JAKMIP2: variants seen among roughly 807,000 people sequenced by gnomAD.
JAKMIP2 encodes the protein janus kinase and microtubule interacting protein 2, also known as janus kinase and microtubule-interacting protein 2.
JAKMIP2 carries 25 observed loss-of-function variants against 115.0 expected under a neutral mutation model. That is an observed-to-expected ratio of 0.22 (90% confidence interval 0.16 to 0.30). The LOEUF (loss-of-function observed/expected upper bound fraction) is 0.30, where lower values mean the gene tolerates loss of function less well. JAKMIP2 is among the 10% of genes least tolerant of loss of function. The pLI is 1.00. For synonymous variants in JAKMIP2, 334 were observed against 343.6 expected (o/e 0.97, Z 0.31); for missense variants, 642 against 957.6 (o/e 0.67, Z 4.35).
rs1755029674 is a variant in JAKMIP2 at position 147,589,829 on chromosome 5, C to G, written c.*1878G>C. On this transcript the variant is annotated 3_prime_UTR_variant, in exon 22 of 22. Transcript: ENST00000616793. The stretch of plus-strand genomic sequence containing the variant: ...CAGTGCTATAGTGCTTAAATTTAAC[C>G]AAACTGAAGCACTATTTTATTACAT... The G allele has an allele frequency of 6.6e-6, 1 of 152,164 alleles. No homozygotes were observed. The highest frequency in any genetic ancestry group is 1.9e-4 in the East Asian group (1 of 5,194). 9.4% of individuals were successfully genotyped at this position (152,164 alleles called of 1,614,324 possible).
chr5:147,647,011 TTCAA>T (rs1165768127), intron 5 of JAKMIP2, among the ~76,000 whole-genome samples: 1 of 152,008 alleles, frequency 6.6e-6, no homozygotes, highest in African/African-American at 2.4e-5. Context: ...ATTAACAAAC[TTCAA>T]TCAAACTGCA....
intron 1 of JAKMIP2, among the ~76,000 whole-genome samples, chr5:147,725,188 G>A (rs967080725): frequency 1.3e-5 from 2 of 152,052 alleles, no homozygotes; most frequent in African/African-American, 4.8e-5. Flanking sequence ...ACATCAAGAA[G>A]TCACCCTATA....
chr5:147,640,561 G>T (rs1183636079), intron 9 of JAKMIP2, 143 bp downstream of exon 9: 8 of 750,202 alleles, frequency 1.1e-5, no homozygotes, highest in African/African-American at 9.0e-5. Context: ...ATAATAAAGT[G>T]CAGCCTCAAA....
At chr5:147,603,372 T>A (rs955036223) in intron 20 of JAKMIP2, among the ~76,000 whole-genome samples, 1 of 152,200 alleles carries the variant, frequency 6.6e-6, no homozygotes, top group Non-Finnish European at 1.5e-5. Context: ...CATACAGATA[T>A]TATGCTCTAG....
At chr5:147,693,189 C>T (rs979568134) in intron 1 of JAKMIP2, among the ~76,000 whole-genome samples, 5 of 152,144 alleles carry the variant, frequency 3.3e-5, no homozygotes, top group East Asian at 1.9e-4. Flanking sequence ...TGGAGTCAGA[C>T]CCTAGGCTTA....
chr5:147,623,878 C>T lies in JAKMIP2; in HGVS notation c.1996-189G>A, dbSNP rs112699051. Among the ~76,000 whole-genome samples the T allele has an allele frequency of 6.5e-3, 983 of 152,220 alleles. 51 individuals are homozygous for T. In the East Asian group the frequency reaches 0.13, roughly 20 times the overall value. On this transcript the variant is annotated intron_variant, in intron 16 of 21. Coordinates refer to ENST00000616793, the MANE Select transcript of JAKMIP2 (RefSeq NM_001270941.2). ...TTGAAACGGAATCTCGCTCCGTTGCCCAGGCTGGAGTGCAGTGACGTTATC... is the reference window on the plus strand; with the variant it reads ...TTGAAACGGAATCTCGCTCCGTTGCTCAGGCTGGAGTGCAGTGACGTTATC...
At chr5:147,765,154 A>G (rs1169303009) in intron 1 of JAKMIP2, among the ~76,000 whole-genome samples, 1 of 152,028 alleles carries the variant, frequency 6.6e-6, no homozygotes, top group African/African-American at 2.4e-5. Context: ...GGATTACGGT[A>G]TGAGCATGTA....
chr5:147,702,662 AAG>A (rs778480596), intron 1 of JAKMIP2, among the ~76,000 whole-genome samples: 2 of 104,974 alleles, frequency 1.9e-5, no homozygotes, highest in Non-Finnish European at 1.8e-5. Flanking sequence ...GAAAGAAAGA[AAG>A]AGAGAGAAAG....
chr5:147,735,064 C>T lies in JAKMIP2; in HGVS notation c.-149+47392G>A, dbSNP rs963350993. Among the ~76,000 whole-genome samples, 19 of 152,118 alleles carry T rather than the reference C, an allele frequency of 1.2e-4. 1 individual carries two copies. Among genetic ancestry groups the T allele is most frequent in the African/African-American group, 4.1e-4 (17 of 41,432 alleles). On this transcript the variant is annotated intron_variant, in intron 1 of 21. Coordinates refer to ENST00000616793, the MANE Select transcript of JAKMIP2 (RefSeq NM_001270941.2). ...GAAACACCTGAAAGTGGTATTCCTG[C>T]GATCTGCATATGCTGGGTCAGATCT...
intron 16 of JAKMIP2, 56 bp from the exon 17 acceptor site, chr5:147,623,745 CTG>C (rs1756961160): frequency 2.7e-6 from 3 of 1,119,020 alleles, no homozygotes; most frequent in Non-Finnish European, 4.1e-6. Context: ...TGGTGTATAT[CTG>C]TGTGCCCCCA....
chr5:147,649,256 T>C (rs1244727955), intron 4 of JAKMIP2, among the ~76,000 whole-genome samples: 1 of 152,158 alleles, frequency 6.6e-6, no homozygotes, highest in Admixed American at 6.5e-5. Context: ...AAGGATTCAG[T>C]AGAACAGGTA....
intron 1 of JAKMIP2, among the ~76,000 whole-genome samples, chr5:147,743,228 C>CAAA: frequency 6.6e-6 from 1 of 152,154 alleles, no homozygotes; most frequent in East Asian, 1.9e-4. Context: ...GCTGTCTGAC[C>CAAA]TGAGACAAAC....
chr5:147,620,003 TG>T (rs552610852), intron 18 of JAKMIP2, among the ~76,000 whole-genome samples: 2 of 152,212 alleles, frequency 1.3e-5, no homozygotes, highest in South Asian at 4.1e-4. Context: ...CCCAAATGAC[TG>T]GATTTGGTTT....
At chr5:147,623,061 C>G (rs1756924550) in intron 17 of JAKMIP2, among the ~76,000 whole-genome samples, 1 of 152,116 alleles carries the variant, frequency 6.6e-6, no homozygotes, top group African/African-American at 2.4e-5. Context: ...GCTGGGACCA[C>G]AGGCACGTAC....
Position 147,632,776 on chromosome 5 carries a change from T to C in JAKMIP2, c.1680A>G (p.Ile560Met), listed in dbSNP as rs1365721660. 7 of 1,601,170 alleles carry C rather than the reference T, an allele frequency of 4.4e-6. No homozygotes were observed. Among genetic ancestry groups the C allele is most frequent in the Non-Finnish European group, 6.0e-6 (7 of 1,169,020 alleles). ...GGTGATTTTCTGCCTCCTGTTTTTC[T>C]ATCTAATAAAGTAAATCCTGAAGTT... ...IKRNQELLEK[I>M]EKQEAENHRL... The change falls in exon 13 of 22, where the codon ATA becomes ATG. Residue 560 changes from isoleucine to methionine, a missense_variant and splice_region_variant. Coordinates refer to ENST00000616793, the MANE Select transcript of JAKMIP2 (RefSeq NM_001270941.2).
chr5:147,682,160 G>C (rs962796589), intron 1 of JAKMIP2, among the ~76,000 whole-genome samples: 2 of 152,172 alleles, frequency 1.3e-5, no homozygotes, highest in African/African-American at 2.4e-5. Context: ...TAGGCAGAAG[G>C]AATGCTAAGC....
At chr5:147,778,221 G>A (rs536591960) in intron 1 of JAKMIP2, among the ~76,000 whole-genome samples, 7 of 152,142 alleles carry the variant, frequency 4.6e-5, no homozygotes, top group South Asian at 2.1e-4. Context: ...ATGCTTCTAC[G>A]TTTTTCTGAT....
chr5:147,585,624 C>A lies in JAKMIP2; in HGVS notation c.*6083G>T, dbSNP rs1754837157. On this transcript the variant is annotated 3_prime_UTR_variant, in exon 22 of 22. Coordinates refer to ENST00000616793, the MANE Select transcript of JAKMIP2 (RefSeq NM_001270941.2). ...ATTCGGTGTACTTCAGAGGATCATTCTGGTGAAACTCAGTCAATTTTTATT... is the reference window on the plus strand; with the variant it reads ...ATTCGGTGTACTTCAGAGGATCATTATGGTGAAACTCAGTCAATTTTTATT... 2.6e-5 allele frequency: 4 copies of A among 152,148 alleles called. No homozygotes were observed. The highest frequency in any genetic ancestry group is 2.6e-4 in the Admixed American group (4 of 15,270). 9.4% of individuals were successfully genotyped at this position (152,148 alleles called of 1,614,324 possible).
At chr5:147,690,539 TTATATATATATATATATATATA>T (rs58086292) in intron 1 of JAKMIP2, among the ~76,000 whole-genome samples, 10,612 of 92,356 alleles carry the variant, frequency 0.11, 692 homozygotes, top group South Asian at 0.24. Flanking sequence ...ACTAAAGAGA[TTATATATATATATATATATATA>T]TATATATATA....
Sources: allele counts gnomAD v4.1 joint callset (sites outside exome capture counted in the v4.1 genomes callset), GRCh38; gene constraint gnomAD v4.1.1; transcripts MANE v1.5; gene names NCBI Gene and HGNC (gene_info 2026-07-23, HGNC 2026-07-21).